CYFIP1: variants seen among roughly 807,000 people sequenced by gnomAD.
The protein encoded by CYFIP1 is cytoplasmic FMR1 interacting protein 1.
CYFIP1 carries 58 observed loss-of-function variants against 163.5 expected under a neutral mutation model. That is an observed-to-expected ratio of 0.35 (90% CI 0.29 to 0.44). The LOEUF is 0.44. CYFIP1 is among the 20% of genes least tolerant of loss of function. The pLI, the probability that CYFIP1 is intolerant of heterozygous loss-of-function variation, is 1.00. For synonymous variants in CYFIP1, 663 were observed against 660.7 expected (o/e 1.00, Z -0.05); for missense variants, 1,338 against 1,653.8 (o/e 0.81, Z 3.31).
At chr15:22,896,057 C>T (rs1377435006) in intron 22 of CYFIP1, among the ~76,000 whole-genome samples, 1 of 152,164 alleles carries the variant, frequency 6.6e-6, no homozygotes, top group Non-Finnish European at 1.5e-5. Flanking sequence ...GGATCCTGAA[C>T]TGTAACCTGC....
intron 22 of CYFIP1, 41 bp from the exon 23 acceptor site, chr15:22,893,018 TAAC>T: frequency 6.9e-7 from 1 of 1,447,008 alleles, no homozygotes; most frequent in Non-Finnish European, 9.7e-7. Flanking sequence ...AAACCAAATT[TAAC>T]AATAGTTCTT....
rs746445846 is a variant in CYFIP1, at chr15:22,870,084, C to A, written c.3706G>T (p.Val1236Leu). The A allele has an allele frequency of 1.3e-5, 21 of 1,612,360 alleles. No homozygotes were observed. Among genetic ancestry groups the A allele is most frequent in the Non-Finnish European group, 1.8e-5 (21 of 1,179,416 alleles). The change falls in exon 31 of 31, where the codon GTG (valine) becomes TTG (leucine). Residue 1236 changes from valine (V) to leucine (L), a missense_variant. By Grantham distance (32) the Val-to-Leu change is conservative (BLOSUM62 1). Transcript: ENST00000617928. Reference sequence around the variant, plus strand: ...GGCTGGAAGCAGCGCACATGCTCCACTGGCGTGCCCTCCCCGTCGCCTGAC... The same window carrying A: ...GGCTGGAAGCAGCGCACATGCTCCAATGGCGTGCCCTCCCCGTCGCCTGAC... ...LKSGDGEGTPVEHVRCFQPPI... is the reference protein window; with the variant it reads ...LKSGDGEGTPLEHVRCFQPPI...
intron 26 of CYFIP1, among the ~76,000 whole-genome samples, chr15:22,878,826 G>C (rs745569372): frequency 1.1e-3 from 168 of 152,222 alleles, no homozygotes; most frequent in Non-Finnish European, 2.2e-3. Context: ...AGTCTACACA[G>C]AATGAGCTGT....
intron 13 of CYFIP1, among the ~76,000 whole-genome samples, chr15:22,922,087 C>A (rs536336442): frequency 2.6e-5 from 4 of 152,246 alleles, no homozygotes; most frequent in African/African-American, 7.2e-5. Flanking sequence ...TCCGCACATC[C>A]CCAAGAAAGG....
At chr15:22,924,845 G>A (rs12594074) in intron 13 of CYFIP1, among the ~76,000 whole-genome samples, 7,696 of 152,170 alleles carry the variant, frequency 0.051, 252 homozygotes, top group East Asian at 0.09. Flanking sequence ...GCTGAGGCGG[G>A]TGGATTGCTT....
At chr15:22,902,988 G>A (rs1381456605) in intron 22 of CYFIP1, among the ~76,000 whole-genome samples, 5 of 152,278 alleles carry the variant, frequency 3.3e-5, no homozygotes, top group Admixed American at 2.0e-4. Context: ...GGTGGGACGC[G>A]GAGATCAGAG....
At chr15:22,950,359 C>T (rs2140134191) in intron 1 of CYFIP1, among the ~76,000 whole-genome samples, 1 of 152,250 alleles carries the variant, frequency 6.6e-6, no homozygotes, top group Non-Finnish European at 1.5e-5. Flanking sequence ...TTTGTCAGCA[C>T]CAGACCCAGC....
chr15:22,943,456 C>T (rs958788279), intron 5 of CYFIP1, 102 bp from the exon 6 acceptor site: 57 of 1,299,758 alleles, frequency 4.4e-5, no homozygotes, highest in South Asian at 7.0e-5. Flanking sequence ...CGATGAGAAA[C>T]GATCTGCCCA....
chr15:22,963,616 A>G (rs1295600678), intron 1 of CYFIP1, among the ~76,000 whole-genome samples: 1 of 152,008 alleles, frequency 6.6e-6, no homozygotes, highest in Admixed American at 6.6e-5. Context: ...AGGAATGGGA[A>G]ATGTCTCAAA....
At chr15:22,954,042 C>T (rs924398346) in intron 1 of CYFIP1, among the ~76,000 whole-genome samples, 1 of 151,362 alleles carries the variant, frequency 6.6e-6, no homozygotes, top group African/African-American at 2.4e-5. Context: ...GGTGACAGAG[C>T]GAAGACTGTC....
intron 3 of CYFIP1, among the ~76,000 whole-genome samples, chr15:22,945,660 G>T (rs2062033799): frequency 6.6e-6 from 1 of 150,790 alleles, no homozygotes; most frequent in Non-Finnish European, 1.5e-5. Context: ...TGCAACCTCT[G>T]CCTCCCGGGT....
In CYFIP1 at chr15:22,875,192, G is replaced by A. The variant is rs1414273802; in HGVS notation, c.3115+7C>T. The stretch of plus-strand genomic sequence containing the variant: ...CTGGACTCCCTGGTGGGGGTCAGCA[G>A]GCTCACCTTTCACATGGACTCGCGG... On this transcript the variant is annotated splice_region_variant and intron_variant, in intron 27 of 30. Transcript: ENST00000617928. The A allele has an allele frequency of 6.2e-6, 10 of 1,613,768 alleles. No homozygotes were observed. Among genetic ancestry groups the A allele is most frequent in the Middle Eastern group, 1.6e-4 (1 of 6,084 alleles).
chr15:22,932,420 T>C (rs903211472), intron 10 of CYFIP1, 80 bp from the exon 11 acceptor site: 1 of 896,536 alleles, frequency 1.1e-6, no homozygotes. Context: ...GACGCCTGTT[T>C]GGCACCAGAG....
chr15:22,903,146 G>C (rs905211386), intron 22 of CYFIP1, among the ~76,000 whole-genome samples: 3 of 152,164 alleles, frequency 2.0e-5, no homozygotes, highest in African/African-American at 4.8e-5. Context: ...CTATGGGAAG[G>C]CATGGTGGGT....
At chr15:22,975,996 T>C (rs1223406239) in intron 1 of CYFIP1, among the ~76,000 whole-genome samples, 2 of 152,170 alleles carry the variant, frequency 1.3e-5, no homozygotes, top group Non-Finnish European at 2.9e-5. Flanking sequence ...GTCTTTACTA[T>C]GTTGAGTGTT....
intron 21 of CYFIP1, among the ~76,000 whole-genome samples, chr15:22,906,462 ATTTTTTTT>A (rs58360718): frequency 1.1e-5 from 1 of 87,502 alleles, no homozygotes; most frequent in Non-Finnish European, 2.2e-5. Context: ...AGCAACTACT[ATTTTTTTT>A]TTTTTTTTTT....
rs1349121984 is a variant in CYFIP1, at chr15:22,867,532, T to TTTA, written c.*2493_*2495dup. 2 of 244,670 alleles carry TTTA rather than the reference T, an allele frequency of 8.2e-6. No individual in the cohort carries two copies. Among genetic ancestry groups the TTTA allele is most frequent in the Non-Finnish European group, 1.5e-5 (2 of 129,846 alleles). 15.2% of individuals were successfully genotyped at this position (244,670 alleles called of 1,614,324 possible). On this transcript the variant is annotated 3_prime_UTR_variant, in exon 31 of 31. Coordinates refer to ENST00000617928, the MANE Select transcript of CYFIP1 (RefSeq NM_014608.6). ...TGCCTGCTGTTGCAGCCTGGCTGGG[T>TTTA]TTATTCTTCAGTTACCCTAATCCCA...
intron 1 of CYFIP1, among the ~76,000 whole-genome samples, chr15:22,956,941 G>A (rs2062480497): frequency 6.6e-6 from 1 of 152,252 alleles, no homozygotes; most frequent in African/African-American, 2.4e-5. Context: ...GGTCAAGAGG[G>A]AGCTTTTCAC....
intron 9 of CYFIP1, among the ~76,000 whole-genome samples, chr15:22,935,054 T>C (rs911602688): frequency 2.0e-5 from 3 of 152,154 alleles, no homozygotes; most frequent in Non-Finnish European, 4.4e-5. Context: ...CCAGTCAATA[T>C]TCCAGAAGAA....
Sources: gnomAD v4.1 joint callset for allele counts (sites outside exome capture counted in the v4.1 genomes callset) on GRCh38, gnomAD v4.1.1 for gene constraint, MANE v1.5 for transcripts, NCBI Gene and HGNC (gene_info 2026-07-23, HGNC 2026-07-21) for gene names.